The following LCLAT1 variants were observed in gnomAD, a reference collection of about 807,000 sequenced individuals.
LCLAT1 encodes 1-AGP acyltransferase 8.
LCLAT1 carries 11 observed loss-of-function variants against 30.7 expected under a neutral mutation model. That is an observed-to-expected ratio of 0.36 (90% CI 0.23 to 0.59). LCLAT1 has a LOEUF of 0.59. LCLAT1 is among the 20% of genes least tolerant of loss of function. The pLI, the probability that LCLAT1 is intolerant of heterozygous loss-of-function variation, is 0.77. For synonymous variants in LCLAT1, 155 were observed against 151.3 expected (o/e 1.02, Z -0.18); for missense variants, 402 against 458.6 (o/e 0.88, Z 1.13).
intron 5 of LCLAT1, among the ~76,000 whole-genome samples, chr2:30,628,332 T>C (rs539617829): frequency 2.8e-4 from 43 of 152,354 alleles, no homozygotes; most frequent in Middle Eastern, 3.4e-3. Context: ...GATATAAAAT[T>C]GCCAATTCTT....
At chr2:30,611,330 T>G (rs1294734615) in intron 5 of LCLAT1, among the ~76,000 whole-genome samples, 1 of 152,134 alleles carries the variant, frequency 6.6e-6, no homozygotes, top group Admixed American at 6.6e-5. Context: ...ATGTCCTAAT[T>G]ATAATTTAGC....
At chr2:30,582,649 C>T (rs1251117652) in intron 5 of LCLAT1, among the ~76,000 whole-genome samples, 1 of 152,188 alleles carries the variant, frequency 6.6e-6, no homozygotes, top group Non-Finnish European at 1.5e-5. Flanking sequence ...ATCCCCATAG[C>T]CTTCCTTTTA....
At chr2:30,531,333 T>C (rs1228539317) in intron 2 of LCLAT1, among the ~76,000 whole-genome samples, 1 of 152,158 alleles carries the variant, frequency 6.6e-6, no homozygotes, top group African/African-American at 2.4e-5. Flanking sequence ...GCCATGATCC[T>C]TTTTACCAGG....
intron 4 of LCLAT1, among the ~76,000 whole-genome samples, chr2:30,566,060 C>G (rs1356225110): frequency 6.6e-6 from 1 of 152,044 alleles, no homozygotes; most frequent in Non-Finnish European, 1.5e-5. Flanking sequence ...CGTGACAAGA[C>G]AGGAGGCTGT....
chr2:30,595,618 G>A (rs1190553815), intron 5 of LCLAT1, among the ~76,000 whole-genome samples: 1 of 152,162 alleles, frequency 6.6e-6, no homozygotes, highest in Non-Finnish European at 1.5e-5. Flanking sequence ...CATTGAAAAT[G>A]TGAAGTTTCT....
chr2:30,610,989 G>GT (rs150336150), intron 5 of LCLAT1, among the ~76,000 whole-genome samples: 4,650 of 137,112 alleles, frequency 0.034, 227 homozygotes, highest in African/African-American at 0.11. Context: ...GTTTAATTTT[G>GT]TTTTTTTTTC....
intron 3 of LCLAT1, among the ~76,000 whole-genome samples, chr2:30,538,745 T>A (rs1296815728): frequency 6.6e-6 from 1 of 152,128 alleles, no homozygotes; most frequent in African/African-American, 2.4e-5. Flanking sequence ...TAGAGAATAT[T>A]ACGAATTACT....
chr2:30,499,005 G>C (rs1471961440), intron 1 of LCLAT1, among the ~76,000 whole-genome samples: 1 of 152,118 alleles, frequency 6.6e-6, no homozygotes, highest in African/African-American at 2.4e-5. Flanking sequence ...TTTCTTAGCA[G>C]TAAGGAAAAT....
At chr2:30,598,632 T>A (rs1667039138) in intron 5 of LCLAT1, among the ~76,000 whole-genome samples, 1 of 152,152 alleles carries the variant, frequency 6.6e-6, no homozygotes, top group Non-Finnish European at 1.5e-5. Context: ...TTTTGAAGTG[T>A]TTTTCATATC....
chr2:30,499,077 G>A (rs1313051202), intron 1 of LCLAT1, among the ~76,000 whole-genome samples: 1 of 152,194 alleles, frequency 6.6e-6, no homozygotes, highest in African/African-American at 2.4e-5. Flanking sequence ...GTTTAGTTGG[G>A]CCACTGATTT....
intron 3 of LCLAT1, among the ~76,000 whole-genome samples, chr2:30,548,321 T>G (rs1312004823): frequency 6.6e-6 from 1 of 152,096 alleles, no homozygotes; most frequent in Admixed American, 6.6e-5. Context: ...GTGCCCAAAG[T>G]GGTCGGGGTA....
chr2:30,520,270 A>T (rs1266884596), intron 1 of LCLAT1, among the ~76,000 whole-genome samples: 1 of 152,242 alleles, frequency 6.6e-6, no homozygotes, highest in Non-Finnish European at 1.5e-5. Flanking sequence ...TAACAGTAAG[A>T]TAAGAAAGAC....
chr2:30,501,387 C>A (rs1684380305), intron 1 of LCLAT1, among the ~76,000 whole-genome samples: 1 of 151,914 alleles, frequency 6.6e-6, no homozygotes. Context: ...TTAAAAAAGT[C>A]TTTTATAAAA....
intron 5 of LCLAT1, among the ~76,000 whole-genome samples, chr2:30,609,227 A>G (rs1259037487): frequency 1.3e-5 from 2 of 151,910 alleles, no homozygotes. Context: ...TTACATATTC[A>G]TTGAACAGAA....
intron 4 of LCLAT1, among the ~76,000 whole-genome samples, chr2:30,562,710 T>C (rs967143624): frequency 1.3e-5 from 2 of 152,196 alleles, no homozygotes; most frequent in Non-Finnish European, 2.9e-5. Context: ...ATATCAGGCT[T>C]TTATCTTTAT....
At chr2:30,599,360 G>A (rs1409752111) in intron 5 of LCLAT1, among the ~76,000 whole-genome samples, 3 of 152,146 alleles carry the variant, frequency 2.0e-5, no homozygotes, top group Non-Finnish European at 4.4e-5. Flanking sequence ...CAGTACTTTT[G>A]CACTTGCTGA....
intron 1 of LCLAT1, among the ~76,000 whole-genome samples, chr2:30,519,320 C>T (rs1685352067): frequency 6.6e-6 from 1 of 152,168 alleles, no homozygotes; most frequent in African/African-American, 2.4e-5. Flanking sequence ...CTAAGATCTA[C>T]CGTGGACCCC....
At chr2:30,455,920 A>G (rs1681813533) in intron 1 of LCLAT1, among the ~76,000 whole-genome samples, 1 of 151,334 alleles carries the variant, frequency 6.6e-6, no homozygotes, top group Non-Finnish European at 1.5e-5. Flanking sequence ...AAAAAAAAAA[A>G]AAAAAAAAAA....
chr2:30,521,735 G>A (rs1685488842), intron 1 of LCLAT1, among the ~76,000 whole-genome samples: 1 of 151,724 alleles, frequency 6.6e-6, no homozygotes, highest in African/African-American at 2.4e-5. Context: ...TCGATCTCCT[G>A]ACCTCGTGAT....
Sources: gnomAD v4.1 joint callset for allele counts (sites outside exome capture counted in the v4.1 genomes callset) on GRCh38, gnomAD v4.1.1 for gene constraint, MANE v1.5 for transcripts, NCBI Gene and HGNC (gene_info 2026-07-23, HGNC 2026-07-21) for gene names.